CDH15: variants seen among roughly 807,000 people sequenced by gnomAD.
The protein encoded by CDH15 is cadherin 15.
CDH15 carries 73 observed loss-of-function variants against 69.4 expected under a neutral mutation model. The ratio of observed to expected loss-of-function variants is 1.05; its 90% confidence interval spans 0.87 to 1.28. The LOEUF (loss-of-function observed/expected upper bound fraction) is 1.28. Ranked by LOEUF, CDH15 falls within the 50% of genes most tolerant of loss-of-function variation. CDH15 has a pLI of 0.00. For missense variants in CDH15, 1,343 were observed against 1,133.6 expected (o/e 1.18, Z -2.65); for synonymous variants, 624 against 507.7 (o/e 1.23, Z -3.08).
At chr16:89,181,391 C>T (rs988961749) in intron 3 of CDH15, among the ~76,000 whole-genome samples, 12 of 152,056 alleles carry the variant, frequency 7.9e-5, no homozygotes, top group Admixed American at 2.0e-4. Context: ...GCAGGAGGAT[C>T]GCTTGAAGCC....
rs773091144 is a variant in CDH15, at chr16:89,185,308, C to T, written c.638C>T (p.Thr213Ile). The T allele has an allele frequency of 6.2e-7, 1 of 1,605,330 alleles. No homozygotes were observed. The highest frequency in any genetic ancestry group is 1.7e-5 in the Admixed American group (1 of 59,262). The part of the protein sequence containing the change: ...SIDELTGEIR[T>I]VQVGLDREVV... ...GACGAGCTCACAGGAGAGATCCGCA[C>T]AGTGCAAGTGGGGCTGGACCGCGAG... Residue 213 changes from threonine to isoleucine, a missense_variant, in exon 5 of 14, where the codon ACA becomes ATA. Thr to Ile is a moderately conservative substitution (Grantham distance 89, BLOSUM62 -1). Coordinates refer to ENST00000289746, the MANE Select transcript of CDH15 (RefSeq NM_004933.3).
chr16:89,195,339 C>T lies in CDH15; in HGVS notation c.*184C>T, dbSNP rs567888375. 6.4e-6 allele frequency: 4 copies of T among 629,478 alleles called. No individual in the cohort carries two copies. In the South Asian group the frequency reaches 8.8e-5, roughly 14 times the overall value. The allele number at this position is 629,478 out of a possible 1,614,324, so 39.0% of individuals were successfully genotyped here. A position where few individuals can be genotyped will look rare whatever the true frequency, so the allele number is the denominator to read the frequency against. Reference sequence around the variant, plus strand: ...GGGGCGGCCAGGAAGAGGCCCCTTCCTGCCGGGGTGGGAAGAGTTTCTCTC... The same window carrying T: ...GGGGCGGCCAGGAAGAGGCCCCTTCTTGCCGGGGTGGGAAGAGTTTCTCTC... On this transcript the variant is annotated 3_prime_UTR_variant, in exon 14 of 14. Transcript: ENST00000289746.
chr16:89,187,350 G>A, intron 5 of CDH15, 79 bp from the exon 6 acceptor site: 1 of 1,569,790 alleles, frequency 6.4e-7, no homozygotes, highest in Admixed American at 1.7e-5. Context: ...TGGCCAGGTG[G>A]CCTGGCTCCC....
At chr16:89,189,002 G>C (rs575881619) in intron 7 of CDH15, among the ~76,000 whole-genome samples, 47 of 130,946 alleles carry the variant, frequency 3.6e-4, no homozygotes, top group African/African-American at 1.4e-3. Flanking sequence ...CCCACACACA[G>C]ATGCCCACAC....
At chr16:89,194,015 C>A in intron 13 of CDH15, 102 bp downstream of exon 13, 1 of 1,338,964 alleles carries the variant, frequency 7.5e-7, no homozygotes, top group Non-Finnish European at 1.0e-6. Context: ...CCGGCGCCTG[C>A]ATGCACTTAT....
chr16:89,189,021 CCACACACAGATGTTGG>C (rs1192075143), intron 7 of CDH15, among the ~76,000 whole-genome samples: 2 of 140,822 alleles, frequency 1.4e-5, no homozygotes, highest in Non-Finnish European at 3.0e-5. Flanking sequence ...ACACAGGTGC[CCACACACAGATGTTGG>C]CACACACAGG....
chr16:89,195,214 G>A lies in CDH15; in HGVS notation c.*59G>A. 6.8e-7 allele frequency: 1 copy of A among 1,467,854 alleles called. No individual in the cohort carries two copies. The highest frequency in any genetic ancestry group is 9.0e-7 in the Non-Finnish European group (1 of 1,108,900). The allele number at this position is 1,467,854 out of a possible 1,614,324, so 90.9% of individuals were successfully genotyped here. ...CCTCGTGGCAGTGATGGCCCCTGCAGAGGCAGCCTGAGGTCACCGGGCCCG... is the reference window on the plus strand; with the variant it reads ...CCTCGTGGCAGTGATGGCCCCTGCAAAGGCAGCCTGAGGTCACCGGGCCCG... On this transcript the variant is annotated 3_prime_UTR_variant, in exon 14 of 14. Coordinates refer to ENST00000289746, the MANE Select transcript of CDH15 (RefSeq NM_004933.3).
intron 1 of CDH15, among the ~76,000 whole-genome samples, chr16:89,178,707 T>C (rs1368072537): frequency 6.6e-6 from 1 of 152,198 alleles, no homozygotes; most frequent in Non-Finnish European, 1.5e-5. Flanking sequence ...ACAGTCCAGT[T>C]GGGGGCCGCT....
Position 89,180,232 on chromosome 16 carries a change from C to T in CDH15, c.234C>T (p.Val78=), listed in dbSNP as rs770743349. Reference sequence around the variant, plus strand: ...CGGACAAGCAGCAGCTGGGCAGCGTCATCTACAGCATCCAGGGACCCGGCG... The same window carrying T: ...CGGACAAGCAGCAGCTGGGCAGCGTTATCTACAGCATCCAGGGACCCGGCG... ...IKSDKQQLGS[V]IYSIQGPGVD... Residue 78 remains valine (V), a synonymous_variant, in exon 3 of 14, where the codon GTC becomes GTT. Coordinates refer to ENST00000289746, the MANE Select transcript of CDH15 (RefSeq NM_004933.3). The T allele has an allele frequency of 5.0e-6, 8 of 1,610,514 alleles. No individual in the cohort carries two copies. The South Asian group carries it at 7.7e-5, about 16-fold the overall frequency.
intron 13 of CDH15, among the ~76,000 whole-genome samples, chr16:89,194,647 T>C (rs1915753548): frequency 6.6e-6 from 1 of 152,102 alleles, no homozygotes; most frequent in Non-Finnish European, 1.5e-5. Context: ...GCTGGCCTAA[T>C]ACTGAGGAAG....
chr16:89,178,085 C>A (rs1915296568), intron 1 of CDH15, among the ~76,000 whole-genome samples: 1 of 152,216 alleles, frequency 6.6e-6, no homozygotes, highest in Admixed American at 6.5e-5. Context: ...ACTACGAGTG[C>A]CCCTCTCCAC....
chr16:89,176,206 C>A (rs1915252056), intron 1 of CDH15, among the ~76,000 whole-genome samples: 1 of 152,248 alleles, frequency 6.6e-6, no homozygotes, highest in Admixed American at 6.5e-5. Flanking sequence ...TGCCTCCTCT[C>A]AAGGCCACAT....
chr16:89,190,925 TCA>T (rs1490896228), intron 8 of CDH15, among the ~76,000 whole-genome samples: 1 of 152,144 alleles, frequency 6.6e-6, no homozygotes, highest in Non-Finnish European at 1.5e-5. Context: ...TCCCTGAGCC[TCA>T]GTTTCCTCAC....
rs747929528 is a variant in CDH15 at position 89,171,858 on chromosome 16, C to T, written c.27C>T (p.Leu9=). The T allele has an allele frequency of 1.3e-6, 2 of 1,559,372 alleles. No homozygotes were observed. The highest frequency in any genetic ancestry group is 1.7e-6 in the Non-Finnish European group (2 of 1,155,434). MDAAFLLV[L]GLLAQSLCLS... ...TGGACGCCGCGTTCCTCCTCGTCCT[C>T]GGGCTGTTGGCCCAGGTAAGGCATC... The change falls in exon 1 of 14, where the codon CTC becomes CTT. Residue 9 remains leucine, a synonymous_variant. Coordinates refer to ENST00000289746, the MANE Select transcript of CDH15 (RefSeq NM_004933.3).
rs1476971953 is a variant in CDH15 at position 89,188,262 on chromosome 16, G to C, written c.955G>C (p.Glu319Gln). ...FTIRTDPKTN[E>Q]GVLSIVKALD... ...CATCCGCACGGACCCCAAGACCAAC[G>C]AGGGTGTTCTGTCCATTGTGAAGGT... The change falls in exon 7 of 14, where the codon GAG becomes CAG. Residue 319 changes from glutamate (E) to glutamine (Q), a missense_variant. Coordinates refer to ENST00000289746, the MANE Select transcript of CDH15 (RefSeq NM_004933.3). The C allele has an allele frequency of 1.9e-6, 3 of 1,613,342 alleles. No homozygotes were observed. The highest frequency in any genetic ancestry group is 1.7e-6 in the Non-Finnish European group (2 of 1,179,948).
chr16:89,187,202 A>G (rs66682219), intron 5 of CDH15, among the ~76,000 whole-genome samples: 24,504 of 152,244 alleles, frequency 0.16, 2,320 homozygotes, highest in East Asian at 0.35. Context: ...CCCAGTGCAC[A>G]GTAGGTGTTC....
chr16:89,190,827 C>T lies in CDH15; in HGVS notation c.1232+331C>T, dbSNP rs552876711. On this transcript the variant is annotated intron_variant, in intron 8 of 13. Coordinates refer to ENST00000289746, the MANE Select transcript of CDH15 (RefSeq NM_004933.3). Reference sequence around the variant, plus strand: ...TGGCCCTGTGTATCCCTGTCTGTGTCCACGGGGCCCGGGAAGGGCCAGCAC... The same window carrying T: ...TGGCCCTGTGTATCCCTGTCTGTGTTCACGGGGCCCGGGAAGGGCCAGCAC... Among the ~76,000 whole-genome samples the T allele has an allele frequency of 1.3e-5, 2 of 152,254 alleles. 1 individual carries two copies. Among genetic ancestry groups the T allele is most frequent in the South Asian group, 4.1e-4 (2 of 4,830 alleles).
rs1265571991 is a variant in CDH15 at position 89,183,720 on chromosome 16, G to T, written c.502+28G>T. On this transcript the variant is annotated intron_variant, in intron 4 of 13. Transcript: ENST00000289746. The stretch of plus-strand genomic sequence containing the variant: ...GAGACAGGACCACAGCCCCGGGCCG[G>T]GAGGGGCTGCAAGGAAGGGCTCTGT... 3 of 1,569,860 alleles carry T rather than the reference G, an allele frequency of 1.9e-6. No homozygotes were observed. In the African/African-American group the frequency reaches 4.1e-5, roughly 21 times the overall value.
intron 7 of CDH15, among the ~76,000 whole-genome samples, chr16:89,189,338 G>C (rs1389272239): frequency 3.6e-5 from 5 of 137,836 alleles, no homozygotes; most frequent in African/African-American, 1.1e-4. Context: ...GGCACACACA[G>C]ATGCCCACAC....
Sources: allele counts gnomAD v4.1 joint callset (sites outside exome capture counted in the v4.1 genomes callset), GRCh38; gene constraint gnomAD v4.1.1; transcripts MANE v1.5; gene names NCBI Gene and HGNC (gene_info 2026-07-23, HGNC 2026-07-21).